HRCT1: variants seen among roughly 807,000 people sequenced by gnomAD.
HRCT1 encodes the protein histidine-rich carboxyl terminus protein 1.
For missense variants in HRCT1, 185 were observed against 161.3 expected, an observed-to-expected ratio of 1.15 and a Z score of -0.80; for synonymous variants, 76 against 69.0, an observed-to-expected ratio of 1.10 and a Z score of -0.50.
At position 35,906,602 on chromosome 9, in the gene HRCT1, C is replaced by CCACCACCACCGCCACCAT; in HGVS notation, c.316_317insACCACCACCGCCACCATC (p.His105_Pro106insHisHisHisArgHisHis). 1 of 1,477,884 alleles carries CCACCACCACCGCCACCAT rather than the reference C, an allele frequency of 6.8e-7. No homozygotes were observed. The highest frequency in any genetic ancestry group is 9.0e-7 in the Non-Finnish European group (1 of 1,105,578). 91.5% of individuals were successfully genotyped at this position (1,477,884 alleles called of 1,614,324 possible). On this transcript the variant is annotated inframe_insertion, in exon 1 of 1. Coordinates refer to ENST00000354323, the MANE Select transcript of HRCT1 (RefSeq NM_001039792.2). ...CTCACCACCTCCACCACCACCACCACCCCCACCGCCACCATCCCCGCCACG... is the reference window on the plus strand; with the variant it reads ...CTCACCACCTCCACCACCACCACCACCACCACCACCGCCACCATCCCCACCGCCACCATCCCCGCCACG...
chr9:35,906,281 C>T lies in HRCT1; in HGVS notation c.-7C>T. The T allele has an allele frequency of 1.3e-6, 2 of 1,593,598 alleles. No individual in the cohort carries two copies. The highest frequency in any genetic ancestry group is 1.7e-6 in the Non-Finnish European group (2 of 1,169,072). Reference sequence around the variant, plus strand: ...TGCTGGGCAGAGAGGGACTGTCCGGCTCCCAGATGCTGGGCCTCCTGGGGA... The same window carrying T: ...TGCTGGGCAGAGAGGGACTGTCCGGTTCCCAGATGCTGGGCCTCCTGGGGA... On this transcript the variant is annotated 5_prime_UTR_variant, in exon 1 of 1. Transcript: ENST00000354323.
rs145300472 is a variant in HRCT1 at position 35,906,467 on chromosome 9, C to A, written c.180C>A (p.Pro60=). Residue 60 remains proline (P), a synonymous_variant, in exon 1 of 1, where the codon CCC becomes CCA. Coordinates refer to ENST00000354323, the MANE Select transcript of HRCT1 (RefSeq NM_001039792.2). ...GAGTCCGCCGGGCCCAGCCTTGGCC[C>A]TTCCGGCGGCGGGGCCACCTGGGAA... ...GNRVRRAQPW[P]FRRRGHLGIF... 1.9e-6 allele frequency: 3 copies of A among 1,612,936 alleles called. No homozygotes were observed. Among genetic ancestry groups the A allele is most frequent in the East Asian group, 2.2e-5 (1 of 44,834 alleles).
rs1274446521 is a variant in HRCT1 at position 35,906,398 on chromosome 9, G to A, written c.111G>A (p.Gln37=). The change falls in exon 1 of 1, where the codon CAG becomes CAA. Residue 37 remains glutamine (Q), a synonymous_variant. Transcript: ENST00000354323. ...LLATCLFHGR[Q]DCDVERNRTA... The stretch of plus-strand genomic sequence containing the variant: ...CCACCTGCCTTTTCCACGGACGGCA[G>A]GACTGTGACGTGGAGAGGAACCGTA... The A allele has an allele frequency of 1.9e-6, 3 of 1,612,574 alleles. No individual in the cohort carries two copies. In the South Asian group the frequency reaches 3.3e-5, roughly 18 times the overall value.
rs567733074 is a variant in HRCT1, at chr9:35,906,843, T to G, written c.*208T>G. The G allele has an allele frequency of 3.7e-5, 27 of 734,322 alleles. No individual in the cohort carries two copies. In the East Asian group the frequency reaches 6.8e-4, roughly 19 times the overall value. 45.5% of individuals were successfully genotyped at this position (734,322 alleles called of 1,614,324 possible). A position where few individuals can be genotyped will look rare whatever the true frequency, so the allele number is the denominator to read the frequency against. ...GAATGGAGGAACACTGGGTCTGCAG[T>G]GCTGAAGGGTTTGGGGAGTGGAGAG... On this transcript the variant is annotated 3_prime_UTR_variant, in exon 1 of 1. Coordinates refer to ENST00000354323, the MANE Select transcript of HRCT1 (RefSeq NM_001039792.2).
rs140751149 is a variant in HRCT1, at chr9:35,906,535, C to T, written c.248C>T (p.Pro83Leu). 71 of 1,566,710 alleles carry T rather than the reference C, an allele frequency of 4.5e-5. No homozygotes were observed. Among genetic ancestry groups the T allele is most frequent in the African/African-American group, 5.5e-5 (4 of 72,540 alleles). ...HRHPGHVSHV[P>L]NVGLHHHHHP... ...CATCCTGGCCACGTATCTCATGTGC[C>T]GAATGTGGGCCTCCACCACCACCAC... The change falls in exon 1 of 1, where the codon CCG (proline) becomes CTG (leucine). Residue 83 changes from proline to leucine, a missense_variant. Transcript: ENST00000354323.
Position 35,906,822 on chromosome 9 carries a change from G to A in HRCT1, c.*187G>A, listed in dbSNP as rs1833109705. 3 of 842,294 alleles carry A rather than the reference G, an allele frequency of 3.6e-6. No individual in the cohort carries two copies. The highest frequency in any genetic ancestry group is 1.8e-6 in the Non-Finnish European group (1 of 546,510). The allele number at this position is 842,294 out of a possible 1,614,324, so 52.2% of individuals were successfully genotyped here. A position where few individuals can be genotyped will look rare whatever the true frequency, so the allele number is the denominator to read the frequency against. On this transcript the variant is annotated 3_prime_UTR_variant, in exon 1 of 1. Coordinates refer to ENST00000354323, the MANE Select transcript of HRCT1 (RefSeq NM_001039792.2). ...CCAGTGTACTATGGCAGCAGAGAAT[G>A]GAGGAACACTGGGTCTGCAGTGCTG...
In HRCT1 at chr9:35,906,782, T is replaced by TGCCA; in HGVS notation, c.*147_*148insGCCA. On this transcript the variant is annotated 3_prime_UTR_variant, in exon 1 of 1. Transcript: ENST00000354323. Reference sequence around the variant, plus strand: ...TAGACTGGGGCTTGCTCCAGCTGCATTTGCATGGCATGCCCCAGTGTACTA... The same window carrying TGCCA: ...TAGACTGGGGCTTGCTCCAGCTGCATGCCATTGCATGGCATGCCCCAGTGTACTA... 8.9e-7 allele frequency: 1 copy of TGCCA among 1,122,988 alleles called. No homozygotes were observed. Among genetic ancestry groups the TGCCA allele is most frequent in the Non-Finnish European group, 1.3e-6 (1 of 794,042 alleles). The allele number at this position is 1,122,988 out of a possible 1,614,324, so 69.6% of individuals were successfully genotyped here.
rs370606246 is a variant in HRCT1 at position 35,906,350 on chromosome 9, C to CCTGCTGCTG, written c.76_84dup (p.Leu26_Leu28dup). On this transcript the variant is annotated inframe_insertion, in exon 1 of 1. Transcript: ENST00000354323. Reference sequence around the variant, plus strand: ...GGATCACAGGTGCTGCTGTGGCGGTCCTGCTGCTGCTGCTGCTGCTGGCCA... The same window carrying CCTGCTGCTG: ...GGATCACAGGTGCTGCTGTGGCGGTCCTGCTGCTGCTGCTGCTGCTGCTGCTGCTGGCCA... 68 of 1,604,626 alleles carry CCTGCTGCTG rather than the reference C, an allele frequency of 4.2e-5. No homozygotes were observed. Among genetic ancestry groups the CCTGCTGCTG allele is most frequent in the Admixed American group, 8.4e-5 (5 of 59,542 alleles).
In HRCT1 at chr9:35,906,583, A is replaced by ACCT. The variant is rs746143960; in HGVS notation, c.299_301dup (p.Leu100dup). 1.4e-6 allele frequency: 2 copies of ACCT among 1,390,166 alleles called. No homozygotes were observed. Among genetic ancestry groups the ACCT allele is most frequent in the Non-Finnish European group, 1.9e-6 (2 of 1,051,826 alleles). 86.1% of individuals were successfully genotyped at this position (1,390,166 alleles called of 1,614,324 possible). ...CACCACCCCCGCCACACCCCTCACC[A>ACCT]CCTCCACCACCACCACCACCCCCAC... On this transcript the variant is annotated inframe_insertion, in exon 1 of 1. Transcript: ENST00000354323.
rs1171128148 is a variant in HRCT1, at chr9:35,906,438, A to G, written c.151A>G (p.Asn51Asp). 6 of 1,612,856 alleles carry G rather than the reference A, an allele frequency of 3.7e-6. No individual in the cohort carries two copies. The highest frequency in any genetic ancestry group is 2.7e-5 in the African/African-American group (2 of 74,864). ...VERNRTAAGG[N>D]RVRRAQPWPF... ...GAGGAACCGTACAGCTGCAGGGGGA[A>G]ACCGAGTCCGCCGGGCCCAGCCTTG... Residue 51 changes from asparagine (N) to aspartate (D), a missense_variant, in exon 1 of 1, where the codon AAC becomes GAC. Asn to Asp is a conservative substitution (Grantham distance 23, BLOSUM62 1). Coordinates refer to ENST00000354323, the MANE Select transcript of HRCT1 (RefSeq NM_001039792.2).
rs199964587 is a variant in HRCT1, at chr9:35,906,553, A to C, written c.266A>C (p.His89Pro). 1,668 of 1,491,752 alleles carry C rather than the reference A, an allele frequency of 1.1e-3. 3 individuals are homozygous for C. Among genetic ancestry groups the C allele is most frequent in the Middle Eastern group, 3.5e-3 (17 of 4,886 alleles). 92.4% of individuals were successfully genotyped at this position (1,491,752 alleles called of 1,614,324 possible). ...CATGTGCCGAATGTGGGCCTCCACCACCACCACCACCCCCGCCACACCCCT... is the reference window on the plus strand; with the variant it reads ...CATGTGCCGAATGTGGGCCTCCACCCCCACCACCACCCCCGCCACACCCCT... ...VSHVPNVGLHHHHHPRHTPHH... is the reference protein window; with the variant it reads ...VSHVPNVGLHPHHHPRHTPHH... Residue 89 changes from histidine (H) to proline (P), a missense_variant, in exon 1 of 1, where the codon CAC (histidine) becomes CCC (proline). Physicochemically the swap from His to Pro is moderately conservative, Grantham distance 77. Transcript: ENST00000354323.
the HRCT1 span, chr9:35,906,601 ACC>A: frequency 1.6e-5 from 17 of 1,079,556 alleles, no homozygotes; most frequent in Non-Finnish European, 1.8e-5. Context: ...CACCACCACC[ACC>A]CCCACCGCCA....
the HRCT1 span, chr9:35,906,608 CCG>C: frequency 6.6e-7 from 1 of 1,504,234 alleles, no homozygotes; most frequent in Non-Finnish European, 8.9e-7. Context: ...ACCACCCCCA[CCG>C]CCACCATCCC....
Position 35,906,706 on chromosome 9 carries a change from C to G in HRCT1, c.*71C>G. The G allele has an allele frequency of 6.8e-7, 1 of 1,468,146 alleles. No homozygotes were observed. The highest frequency in any genetic ancestry group is 9.1e-7 in the Non-Finnish European group (1 of 1,094,382). The allele number at this position is 1,468,146 out of a possible 1,614,324, so 90.9% of individuals were successfully genotyped here. ...CCATCTGTTCCCAGGACAAGTGGAC[C>G]CCATGTTTCCATGTGGAAGGATGCA... On this transcript the variant is annotated 3_prime_UTR_variant, in exon 1 of 1. Transcript: ENST00000354323.
rs767195391 is a variant in HRCT1, at chr9:35,906,413, G to A, written c.126G>A (p.Glu42=). 7 of 1,612,950 alleles carry A rather than the reference G, an allele frequency of 4.3e-6. No individual in the cohort carries two copies. The South Asian group carries it at 6.6e-5, about 15-fold the overall frequency. ...ACGGACGGCAGGACTGTGACGTGGAGAGGAACCGTACAGCTGCAGGGGGAA... is the reference window on the plus strand; with the variant it reads ...ACGGACGGCAGGACTGTGACGTGGAAAGGAACCGTACAGCTGCAGGGGGAA... ...LFHGRQDCDV[E]RNRTAAGGNR... Residue 42 remains glutamate (E), a synonymous_variant, in exon 1 of 1, where the codon GAG becomes GAA. Transcript: ENST00000354323.
rs1833108611 is a variant in HRCT1, at chr9:35,906,684, T to A, written c.*49T>A. The A allele has an allele frequency of 1.4e-6, 2 of 1,381,384 alleles. No homozygotes were observed. Among genetic ancestry groups the A allele is most frequent in the African/African-American group, 1.5e-5 (1 of 66,762 alleles). The allele number at this position is 1,381,384 out of a possible 1,614,324, so 85.6% of individuals were successfully genotyped here. On this transcript the variant is annotated 3_prime_UTR_variant, in exon 1 of 1. Transcript: ENST00000354323. ...GACAGCAGCTGCCCCTGCCCTCCCA[T>A]CTGTTCCCAGGACAAGTGGACCCCA...
At position 35,906,589 on chromosome 9, in the gene HRCT1, A is replaced by ACCACCACCTCCACCC; in HGVS notation, c.310_311insTCCACCCCCACCACC (p.His103_His104insLeuHisProHisHis). 2 of 1,020,526 alleles carry ACCACCACCTCCACCC rather than the reference A, an allele frequency of 2.0e-6. No individual in the cohort carries two copies. Among genetic ancestry groups the ACCACCACCTCCACCC allele is most frequent in the Non-Finnish European group, 2.5e-6 (2 of 787,644 alleles). 63.2% of individuals were successfully genotyped at this position (1,020,526 alleles called of 1,614,324 possible). On this transcript the variant is annotated inframe_insertion, in exon 1 of 1. Coordinates refer to ENST00000354323, the MANE Select transcript of HRCT1 (RefSeq NM_001039792.2). ...CCCCGCCACACCCCTCACCACCTCC[A>ACCACCACCTCCACCC]CCACCACCACCACCCCCACCGCCAC...
chr9:35,906,223 G>T lies in HRCT1; in HGVS notation c.-65G>T. The T allele has an allele frequency of 6.5e-7, 1 of 1,534,852 alleles. No individual in the cohort carries two copies. Among genetic ancestry groups the T allele is most frequent in the South Asian group, 1.3e-5 (1 of 79,624 alleles). ...GTTCAGTGACTGAGAGGGCTGAGCG[G>T]AGGCTGCTGAAGGGGAGAAAGGAGT... On this transcript the variant is annotated 5_prime_UTR_variant, in exon 1 of 1. Coordinates refer to ENST00000354323, the MANE Select transcript of HRCT1 (RefSeq NM_001039792.2).
chr9:35,906,578 T>TC, the HRCT1 span: 3 of 1,277,586 alleles, frequency 2.3e-6, no homozygotes, highest in Non-Finnish European at 3.1e-6. Context: ...GCCACACCCC[T>TC]CACCACCTCC....
Sources: gnomAD v4.1 joint callset for allele counts on GRCh38, gnomAD v4.1.1 for gene constraint, MANE v1.5 for transcripts, NCBI Gene and HGNC (gene_info 2026-07-23, HGNC 2026-07-21) for gene names.